The following PITPNC1 variants were observed in gnomAD, a reference collection of about 807,000 sequenced individuals.
PITPNC1 encodes phosphatidylinositol transfer protein cytoplasmic 1, also known as cytoplasmic phosphatidylinositol transfer protein 1.
Under a neutral mutation model 44.7 loss-of-function variants are expected in PITPNC1, and 18 were observed. The ratio of observed to expected loss-of-function variants is 0.40; its 90% CI spans 0.28 to 0.60. The LOEUF is 0.60. Among genes scored for constraint, PITPNC1 ranks in the 20% least tolerant of loss-of-function variants. The pLI is 0.39. For missense variants in PITPNC1, 290 were observed against 418.4 expected (o/e 0.69, Z 2.68); for synonymous variants, 141 against 149.6 (o/e 0.94, Z 0.42).
intron 6 of PITPNC1, among the ~76,000 whole-genome samples, chr17:67,643,854 G>A (rs535468697): frequency 6.6e-6 from 1 of 152,316 alleles, no homozygotes; most frequent in African/African-American, 2.4e-5. Context: ...CTCTGCAGAT[G>A]GGTTGCAGGA....
intron 1 of PITPNC1, among the ~76,000 whole-genome samples, chr17:67,529,695 C>T (rs1456537756): frequency 6.6e-6 from 1 of 152,142 alleles, no homozygotes; most frequent in African/African-American, 2.4e-5. Flanking sequence ...GCCTGTAATC[C>T]CAGCACTTTG....
intron 1 of PITPNC1, among the ~76,000 whole-genome samples, chr17:67,427,770 T>C (rs548622079): frequency 6.6e-6 from 1 of 152,314 alleles, no homozygotes; most frequent in South Asian, 2.1e-4. Flanking sequence ...GGAATCTTTG[T>C]TGAAAATGTT....
chr17:67,551,013 A>G lies in PITPNC1; in HGVS notation c.198-1244A>G, dbSNP rs372135017. On this transcript the variant is annotated intron_variant, in intron 2 of 8. Transcript: ENST00000581322. ...GAGGCGGAGCTTGCAGTGAGCCGAGACTGCACCAGTGCACTCCAGCCTGGG... is the reference window on the plus strand; with the variant it reads ...GAGGCGGAGCTTGCAGTGAGCCGAGGCTGCACCAGTGCACTCCAGCCTGGG... Among the ~76,000 whole-genome samples, 142 of 152,338 alleles carry G rather than the reference A, an allele frequency of 9.3e-4. 3 individuals are homozygous for G. The South Asian group carries it at 0.028, about 30-fold the overall frequency.
intron 6 of PITPNC1, among the ~76,000 whole-genome samples, chr17:67,651,784 A>T (rs1221400194): frequency 6.6e-6 from 1 of 152,150 alleles, no homozygotes. Flanking sequence ...GGCATTTCAT[A>T]TGAATAGGGT....
chr17:67,408,145 A>G (rs2038429327), intron 1 of PITPNC1, among the ~76,000 whole-genome samples: 1 of 151,974 alleles, frequency 6.6e-6, no homozygotes, highest in Non-Finnish European at 1.5e-5. Flanking sequence ...TAGTAGACAC[A>G]GTTTTACCAT....
chr17:67,609,098 A>C (rs1204492844), intron 5 of PITPNC1, among the ~76,000 whole-genome samples: 3 of 149,300 alleles, frequency 2.0e-5, no homozygotes, highest in Non-Finnish European at 4.5e-5. Context: ...TTGGGCTCAA[A>C]CTATCCTCCT....
At chr17:67,453,869 T>C (rs559449182) in intron 1 of PITPNC1, among the ~76,000 whole-genome samples, 16 of 152,318 alleles carry the variant, frequency 1.1e-4, no homozygotes, top group African/African-American at 3.8e-4. Context: ...TGCAGTGGTC[T>C]TCCCTCCTGA....
intron 1 of PITPNC1, among the ~76,000 whole-genome samples, chr17:67,451,564 A>G (rs1044002077): frequency 6.6e-6 from 1 of 151,598 alleles, no homozygotes; most frequent in African/African-American, 2.4e-5. Flanking sequence ...TTACGTCTCT[A>G]TAGTTTTGTC....
chr17:67,631,571 G>A lies in PITPNC1; in HGVS notation c.367-572G>A, dbSNP rs866795610. On this transcript the variant is annotated intron_variant, in intron 5 of 8. Coordinates refer to ENST00000581322, the MANE Select transcript of PITPNC1 (RefSeq NM_012417.4). ...ATGAACCCAAGAGGCGGAGCTTGCA[G>A]TGAGCCGGGATAGCGCCACTGCAGT... is the stretch of plus-strand genomic sequence containing the variant. Among the ~76,000 whole-genome samples, 95 of 116,680 alleles carry A rather than the reference G, an allele frequency of 8.1e-4. 1 individual carries two copies. In the East Asian group the frequency reaches 0.02, roughly 25 times the overall value. 76.5% of individuals were successfully genotyped at this position (116,680 alleles called of 152,430 possible). A position where few individuals can be genotyped will look rare whatever the true frequency, so the allele number is the denominator to read the frequency against.
intron 5 of PITPNC1, among the ~76,000 whole-genome samples, chr17:67,590,424 A>G (rs76308456): frequency 1.3e-5 from 2 of 152,316 alleles, no homozygotes; most frequent in Non-Finnish European, 2.9e-5. Context: ...TTACTGTAGT[A>G]TGGGCTAATA....
At chr17:67,425,690 T>TA (rs200580598) in intron 1 of PITPNC1, among the ~76,000 whole-genome samples, 82 of 118,312 alleles carry the variant, frequency 6.9e-4, no homozygotes, top group South Asian at 3.0e-3. Context: ...CTTGGCTAAT[T>TA]AAAAAAAAAT....
chr17:67,439,787 T>G (rs1194482240), intron 1 of PITPNC1, among the ~76,000 whole-genome samples: 1 of 152,228 alleles, frequency 6.6e-6, no homozygotes, highest in Non-Finnish European at 1.5e-5. Flanking sequence ...GTTCACGGAT[T>G]GTGTGAAATT....
chr17:67,506,754 T>C (rs775897686), intron 1 of PITPNC1, among the ~76,000 whole-genome samples: 2 of 152,104 alleles, frequency 1.3e-5, no homozygotes, highest in African/African-American at 4.8e-5. Context: ...TATGCAACCA[T>C]TGATAATTTT....
At chr17:67,411,072 A>T (rs918316159) in intron 1 of PITPNC1, among the ~76,000 whole-genome samples, 3 of 110,960 alleles carry the variant, frequency 2.7e-5, no homozygotes, top group Non-Finnish European at 5.6e-5. Context: ...ACAGAGTGAG[A>T]CTCCCATCTC....
At chr17:67,401,810 T>C (rs1336237840) in intron 1 of PITPNC1, among the ~76,000 whole-genome samples, 1 of 150,898 alleles carries the variant, frequency 6.6e-6, no homozygotes, top group Non-Finnish European at 1.5e-5. Flanking sequence ...GCCACTGCAC[T>C]CAAGCCTAGA....
chr17:67,481,293 G>T (rs533584523), intron 1 of PITPNC1, among the ~76,000 whole-genome samples: 1 of 152,218 alleles, frequency 6.6e-6, no homozygotes, highest in East Asian at 1.9e-4. Flanking sequence ...GCCGTCTCAA[G>T]GCCCTGGTCC....
chr17:67,434,872 G>A (rs2038913140), intron 1 of PITPNC1, among the ~76,000 whole-genome samples: 1 of 151,742 alleles, frequency 6.6e-6, no homozygotes, highest in African/African-American at 2.4e-5. Flanking sequence ...ACTTTGGGAG[G>A]CTGAGGTGGG....
intron 1 of PITPNC1, among the ~76,000 whole-genome samples, chr17:67,479,032 G>A (rs1317071601): frequency 1.3e-5 from 2 of 151,994 alleles, no homozygotes; most frequent in Admixed American, 1.3e-4. Flanking sequence ...TCATTACTGA[G>A]CAATTCACCA....
At position 67,378,197 on chromosome 17, in the gene PITPNC1, G is replaced by T; in HGVS notation, c.43G>T (p.Asp15Tyr). The T allele has an allele frequency of 6.5e-7, 1 of 1,540,704 alleles. No homozygotes were observed. The change falls in exon 1 of 9, where the codon GAC (aspartate) becomes TAC (tyrosine). Residue 15 changes from aspartate (D) to tyrosine (Y), a missense_variant. By Grantham distance (160) the Asp-to-Tyr change is radical. Transcript: ENST00000581322. ...EYRICMPLTV[D>Y]EYKIGQLYMI... The stretch of plus-strand genomic sequence containing the variant: ...CCGGATCTGCATGCCGCTCACCGTA[G>T]ACGAGGTAAGCGCCGCGCCCGGCCC...
Sources: gnomAD v4.1 joint callset for allele counts (sites outside exome capture counted in the v4.1 genomes callset) on GRCh38, gnomAD v4.1.1 for gene constraint, MANE v1.5 for transcripts, NCBI Gene and HGNC (gene_info 2026-07-23, HGNC 2026-07-21) for gene names.